CTNNBIP1: variants seen among roughly 807,000 people sequenced by gnomAD.
CTNNBIP1 encodes the protein catenin beta interacting protein 1.
Under a neutral mutation model 11.8 loss-of-function variants are expected in CTNNBIP1, and 7 were observed. That is an observed-to-expected ratio of 0.60 (90% CI 0.34 to 1.12). The LOEUF (loss-of-function observed/expected upper bound fraction) is 1.12. Among genes scored for constraint, CTNNBIP1 ranks in the 50% most tolerant of loss-of-function variants. The pLI, the probability that CTNNBIP1 is intolerant of heterozygous loss-of-function variation, is 0.03. For synonymous variants in CTNNBIP1, 58 were observed against 43.9 expected (o/e 1.32, Z -1.26); for missense variants, 101 against 113.4 (o/e 0.89, Z 0.50).
At chr1:9,880,636 CATTT>C (rs1382155554) in intron 2 of CTNNBIP1, among the ~76,000 whole-genome samples, 2 of 152,208 alleles carry the variant, frequency 1.3e-5, no homozygotes, top group Non-Finnish European at 2.9e-5. Context: ...GCCTCGCCAG[CATTT>C]ATTGTTTCCT....
intron 1 of CTNNBIP1, among the ~76,000 whole-genome samples, chr1:9,899,420 C>A (rs925861473): frequency 1.4e-5 from 2 of 141,228 alleles, no homozygotes; most frequent in Admixed American, 7.7e-5. Context: ...GGCACCAATG[C>A]ACTCCAGCCT....
In CTNNBIP1 at chr1:9,867,990, G is replaced by A. The variant is rs1349632284; in HGVS notation, c.187+3197C>T. On this transcript the variant is annotated intron_variant, in intron 5 of 5. Coordinates refer to ENST00000377263, the MANE Select transcript of CTNNBIP1 (RefSeq NM_020248.3). This position sits in a 1 kb window ranked among gnomAD's most constrained non-coding sequence, Gnocchi z 4.6. Reference sequence around the variant, plus strand: ...GGCTGATTGCAGTTCTGCTGTTATTGTTGTTGTGTTTGTTTGTGGTGTCGT... The same window carrying A: ...GGCTGATTGCAGTTCTGCTGTTATTATTGTTGTGTTTGTTTGTGGTGTCGT... Among the ~76,000 whole-genome samples the A allele has an allele frequency of 6.6e-6, 1 of 152,224 alleles. No individual in the cohort carries two copies. Among genetic ancestry groups the A allele is most frequent in the Non-Finnish European group, 1.5e-5 (1 of 68,030 alleles).
intron 1 of CTNNBIP1, among the ~76,000 whole-genome samples, chr1:9,891,656 G>A (rs912027119): frequency 6.6e-6 from 1 of 152,076 alleles, no homozygotes; most frequent in Non-Finnish European, 1.5e-5. Flanking sequence ...CGGAAAATAA[G>A]TTTTGTTGGG....
At chr1:9,860,449 A>C (rs892888948) in intron 5 of CTNNBIP1, among the ~76,000 whole-genome samples, 18 of 150,698 alleles carry the variant, frequency 1.2e-4, no homozygotes, top group Non-Finnish European at 1.8e-4. Context: ...AAAAAAAAAA[A>C]AAAAACAAAA....
chr1:9,856,835 A>G (rs957233825), intron 5 of CTNNBIP1, among the ~76,000 whole-genome samples: 2 of 151,842 alleles, frequency 1.3e-5, no homozygotes, highest in African/African-American at 4.8e-5. Context: ...CTTAAAACTC[A>G]GTAATAGGCT....
chr1:9,848,986 G>A lies in CTNNBIP1; in HGVS notation c.*1732C>T, dbSNP rs1245210311. 6.6e-6 allele frequency: 1 copy of A among 152,272 alleles called. No individual in the cohort carries two copies. Among genetic ancestry groups the A allele is most frequent in the Non-Finnish European group, 1.5e-5 (1 of 68,090 alleles). 9.4% of individuals were successfully genotyped at this position (152,272 alleles called of 1,614,324 possible). A position where few individuals can be genotyped will look rare whatever the true frequency, so the allele number is the denominator to read the frequency against. ...CCGAGCCCCAAGCCCCGAGAAAGGGGAAAGATTTGGTTCTGAGAGGGTCCC... is the reference window on the plus strand; with the variant it reads ...CCGAGCCCCAAGCCCCGAGAAAGGGAAAAGATTTGGTTCTGAGAGGGTCCC... On this transcript the variant is annotated 3_prime_UTR_variant, in exon 6 of 6. Coordinates refer to ENST00000377263, the MANE Select transcript of CTNNBIP1 (RefSeq NM_020248.3). This position sits in a 1 kb window ranked among gnomAD's most constrained non-coding sequence, Gnocchi z 4.3.
At chr1:9,899,521 G>T (rs1639478938) in intron 1 of CTNNBIP1, among the ~76,000 whole-genome samples, 1 of 150,768 alleles carries the variant, frequency 6.6e-6, no homozygotes, top group Non-Finnish European at 1.5e-5. Flanking sequence ...AGCACTTTGG[G>T]AGGCCGAGGT....
chr1:9,868,002 G>C (rs559582062), intron 5 of CTNNBIP1, among the ~76,000 whole-genome samples: 1 of 152,238 alleles, frequency 6.6e-6, no homozygotes, highest in Non-Finnish European at 1.5e-5. Context: ...TGTTGTGTTT[G>C]TTTGTGGTGT....
In CTNNBIP1 at chr1:9,872,828, C is replaced by T. The variant is rs902425364; in HGVS notation, c.-24-740G>A. On this transcript the variant is annotated intron_variant, in intron 3 of 5. Coordinates refer to ENST00000377263, the MANE Select transcript of CTNNBIP1 (RefSeq NM_020248.3). The surrounding 1 kb of genome is among the most constrained non-coding windows in gnomAD (Gnocchi z 4.0). ...GTCCCCAGGAGAGAAGTCCAGAGCC[C>T]CCTCCCTCCAGGAGGAGCTGGAGGA... Among the ~76,000 whole-genome samples the T allele has an allele frequency of 6.6e-6, 1 of 152,170 alleles. No individual in the cohort carries two copies. The highest frequency in any genetic ancestry group is 2.4e-5 in the African/African-American group (1 of 41,432).
chr1:9,903,875 T>C (rs1249458325), intron 1 of CTNNBIP1, among the ~76,000 whole-genome samples: 1 of 152,196 alleles, frequency 6.6e-6, no homozygotes, highest in African/African-American at 2.4e-5. Flanking sequence ...AATCAGTATA[T>C]GACATGGTGC....
intron 5 of CTNNBIP1, 84 bp from the exon 6 acceptor site, chr1:9,850,860 T>C: frequency 7.8e-7 from 1 of 1,280,800 alleles, no homozygotes; most frequent in South Asian, 1.2e-5. Flanking sequence ...GCGGCCAAGC[T>C]GGAGCCCCCG....
intron 1 of CTNNBIP1, among the ~76,000 whole-genome samples, chr1:9,909,336 C>T (rs1284958810): frequency 6.6e-6 from 1 of 152,200 alleles, no homozygotes; most frequent in Non-Finnish European, 1.5e-5. Context: ...ATTCATAAAA[C>T]TCTTGATTTG....
intron 1 of CTNNBIP1, among the ~76,000 whole-genome samples, chr1:9,887,222 A>G (rs1278597289): frequency 6.6e-6 from 1 of 152,234 alleles, no homozygotes; most frequent in East Asian, 1.9e-4. Context: ...AGAGTCAGTC[A>G]GCCCTCACAA....
intron 1 of CTNNBIP1, among the ~76,000 whole-genome samples, chr1:9,892,161 G>A (rs1208367877): frequency 6.6e-6 from 1 of 151,784 alleles, no homozygotes; most frequent in Non-Finnish European, 1.5e-5. Context: ...GGTGGCTCAC[G>A]CCTCTAATCC....
At chr1:9,900,878 A>C (rs570269511) in intron 1 of CTNNBIP1, among the ~76,000 whole-genome samples, 15 of 152,318 alleles carry the variant, frequency 9.8e-5, no homozygotes, top group African/African-American at 3.6e-4. Flanking sequence ...ACACACACGG[A>C]GGGAGAAGGA....
At chr1:9,907,893 T>G (rs1371179529) in intron 1 of CTNNBIP1, among the ~76,000 whole-genome samples, 1 of 152,198 alleles carries the variant, frequency 6.6e-6, no homozygotes, top group African/African-American at 2.4e-5. Flanking sequence ...CCACCTTTGC[T>G]CCTTAGAATC....
At chr1:9,879,590 G>A (rs549952163) in intron 2 of CTNNBIP1, among the ~76,000 whole-genome samples, 2 of 152,196 alleles carry the variant, frequency 1.3e-5, no homozygotes, top group East Asian at 3.9e-4. Context: ...ACGGGAATAG[G>A]CCATTTATAG....
At chr1:9,899,910 C>T (rs1223496435) in intron 1 of CTNNBIP1, among the ~76,000 whole-genome samples, 2 of 151,388 alleles carry the variant, frequency 1.3e-5, no homozygotes, top group Admixed American at 6.6e-5. Flanking sequence ...CCCACCTTTA[C>T]TAAACCTACA....
intron 1 of CTNNBIP1, among the ~76,000 whole-genome samples, chr1:9,890,145 T>C (rs149927699): frequency 3.9e-5 from 6 of 152,322 alleles, no homozygotes; most frequent in Non-Finnish European, 7.3e-5. Context: ...TCGTTGTCTC[T>C]CCAGTCCTGA....
Sources: allele counts gnomAD v4.1 joint callset (sites outside exome capture counted in the v4.1 genomes callset), GRCh38; gene constraint gnomAD v4.1.1; non-coding constraint Gnocchi (gnomAD v3.1); transcripts MANE v1.5; gene names NCBI Gene and HGNC (gene_info 2026-07-23, HGNC 2026-07-21).